The following NPAS3 variants were observed in gnomAD, a reference collection of about 807,000 sequenced individuals.
NPAS3 encodes the protein neuronal PAS domain-containing protein 3.
A neutral mutation model predicts 73.1 loss-of-function variants in NPAS3; 14 were observed. That is an observed-to-expected ratio of 0.19 (90% CI 0.13 to 0.30). The LOEUF is 0.30. Ranked by LOEUF, NPAS3 falls within the 10% of genes least tolerant of loss-of-function variation. The probability of loss-of-function intolerance (pLI) is 1.00; values close to 1 mark genes in which losing one functional copy is unlikely to be tolerated. For synonymous variants in NPAS3, 620 were observed against 541.5 expected, an observed-to-expected ratio of 1.14 and a Z score of -2.01; for missense variants, 1,096 against 1,250.0, an observed-to-expected ratio of 0.88 and a Z score of 1.86.
intron 6 of NPAS3, among the ~76,000 whole-genome samples, chr14:33,730,769 G>A (rs1345848675): frequency 6.6e-6 from 1 of 152,186 alleles, no homozygotes; most frequent in Non-Finnish European, 1.5e-5. Context: ...TTTCTAGCAA[G>A]GCTGACAGCA....
chr14:33,781,317 A>G (rs1287232170), intron 9 of NPAS3, among the ~76,000 whole-genome samples: 1 of 152,244 alleles, frequency 6.6e-6, no homozygotes, highest in East Asian at 1.9e-4. Context: ...GCTTTGTACA[A>G]TAAACATTAA....
chr14:33,192,622 T>C (rs1352996970), intron 2 of NPAS3, among the ~76,000 whole-genome samples: 2 of 152,178 alleles, frequency 1.3e-5, no homozygotes, highest in African/African-American at 4.8e-5. Flanking sequence ...AAATAGGGCA[T>C]CTTACCTTCA....
At chr14:33,551,598 A>AG (rs2055118702) in intron 4 of NPAS3, among the ~76,000 whole-genome samples, 1 of 152,222 alleles carries the variant, frequency 6.6e-6, no homozygotes, top group South Asian at 2.1e-4. Flanking sequence ...CTACCAGAGA[A>AG]GGGGGAAAAA....
At chr14:33,166,091 T>C (rs2045132467) in intron 2 of NPAS3, among the ~76,000 whole-genome samples, 1 of 152,208 alleles carries the variant, frequency 6.6e-6, no homozygotes. Context: ...GGTGCTGTGC[T>C]GTTGATAAGC....
intron 1 of NPAS3, among the ~76,000 whole-genome samples, chr14:32,945,847 T>C (rs1235349587): frequency 6.6e-6 from 1 of 152,210 alleles, no homozygotes; most frequent in Non-Finnish European, 1.5e-5. Flanking sequence ...TCCATAACTA[T>C]ACATACTTCA....
At chr14:33,737,492 T>G (rs2061551683) in intron 7 of NPAS3, among the ~76,000 whole-genome samples, 1 of 152,120 alleles carries the variant, frequency 6.6e-6, no homozygotes, top group Admixed American at 6.6e-5. Flanking sequence ...TGACATACCC[T>G]GTCAGCAGGT....
intron 4 of NPAS3, among the ~76,000 whole-genome samples, chr14:33,437,144 TTTG>T (rs529147466): frequency 6.6e-6 from 1 of 152,160 alleles, no homozygotes; most frequent in African/African-American, 2.4e-5. Flanking sequence ...GTGATTGATA[TTTG>T]TTGTTGTTGT....
intron 5 of NPAS3, among the ~76,000 whole-genome samples, chr14:33,664,299 G>C (rs1240972310): frequency 6.6e-6 from 1 of 152,150 alleles, no homozygotes; most frequent in East Asian, 1.9e-4. Context: ...ACGGTGTTGA[G>C]AAAACCGGCT....
chr14:33,334,045 G>C (rs1474537683), intron 3 of NPAS3, among the ~76,000 whole-genome samples: 3 of 152,054 alleles, frequency 2.0e-5, no homozygotes, highest in East Asian at 3.9e-4. Flanking sequence ...TATGAATAAA[G>C]TGTTGAAAAG....
intron 4 of NPAS3, among the ~76,000 whole-genome samples, chr14:33,491,568 G>T (rs1256633126): frequency 6.6e-6 from 1 of 152,080 alleles, no homozygotes; most frequent in Admixed American, 6.6e-5. Flanking sequence ...AATTTGAAGA[G>T]GCAAATATGG....
chr14:33,550,631 T>C (rs971062946), intron 4 of NPAS3, among the ~76,000 whole-genome samples: 1 of 152,210 alleles, frequency 6.6e-6, no homozygotes. Flanking sequence ...AGCAGCCAAC[T>C]GTGAAATGAA....
At chr14:33,727,170 G>A (rs867912390) in intron 6 of NPAS3, among the ~76,000 whole-genome samples, 1 of 150,416 alleles carries the variant, frequency 6.6e-6, no homozygotes, top group African/African-American at 2.5e-5. Context: ...AATAAACATG[G>A]CGGTTCAGCT....
chr14:33,619,717 G>T (rs1336082749), intron 5 of NPAS3, among the ~76,000 whole-genome samples: 1 of 152,216 alleles, frequency 6.6e-6, no homozygotes. Flanking sequence ...CCCAAAAAAG[G>T]TGCATTATTG....
intron 2 of NPAS3, among the ~76,000 whole-genome samples, chr14:33,179,570 G>C (rs79298787): frequency 0.049 from 7,427 of 152,182 alleles, 236 homozygotes; most frequent in South Asian, 0.094. Flanking sequence ...AAAGCAAGGG[G>C]TTTTAGTCCC....
intron 4 of NPAS3, among the ~76,000 whole-genome samples, chr14:33,523,469 A>T (rs1051452837): frequency 6.9e-6 from 1 of 145,950 alleles, no homozygotes; most frequent in Non-Finnish European, 1.5e-5. Flanking sequence ...AAAAAAAAAA[A>T]AAAAGATCCT....
At chr14:33,345,252 T>C (rs183372312) in intron 3 of NPAS3, among the ~76,000 whole-genome samples, 94 of 152,302 alleles carry the variant, frequency 6.2e-4, no homozygotes, top group African/African-American at 1.9e-3. Flanking sequence ...TTAGCTTTTA[T>C]ATAATGAAAC....
intron 2 of NPAS3, among the ~76,000 whole-genome samples, chr14:33,079,573 C>CTCCCGAAG (rs1555333589): frequency 0.026 from 3,677 of 141,158 alleles, 61 homozygotes; most frequent in Non-Finnish European, 0.039. Context: ...CCGCCTCGGC[C>CTCCCGAAG]TCCCAAAGTG....
intron 4 of NPAS3, among the ~76,000 whole-genome samples, chr14:33,442,232 T>C (rs1192538710): frequency 1.3e-5 from 2 of 152,098 alleles, no homozygotes; most frequent in African/African-American, 4.8e-5. Flanking sequence ...CTTCACTGTT[T>C]ATTTGTCTAA....
chr14:33,229,158 A>G (rs1348493586), intron 3 of NPAS3, among the ~76,000 whole-genome samples: 1 of 152,200 alleles, frequency 6.6e-6, no homozygotes, highest in African/African-American at 2.4e-5. Context: ...CTACTCATGC[A>G]TATCTCTGTT....
Sources: allele counts gnomAD v4.1 joint callset (sites outside exome capture counted in the v4.1 genomes callset), GRCh38; gene constraint gnomAD v4.1.1; transcripts MANE v1.5; gene names NCBI Gene and HGNC (gene_info 2026-07-23, HGNC 2026-07-21).